The following KCNAB2 variants were observed in gnomAD, a reference collection of about 807,000 sequenced individuals.
KCNAB2 encodes potassium voltage-gated channel subfamily A regulatory beta subunit 2.
In KCNAB2, 29 loss-of-function variants were observed where a neutral mutation model predicts 63.6. The observed-to-expected ratio is 0.46, with a 90% CI of 0.34 to 0.62. The LOEUF (loss-of-function observed/expected upper bound fraction) is 0.62. KCNAB2 is among the 20% of genes least tolerant of loss of function. The pLI, the probability that KCNAB2 is intolerant of heterozygous loss-of-function variation, is 0.01. For synonymous variants in KCNAB2, 222 were observed against 224.2 expected, an observed-to-expected ratio of 0.99 and a Z score of 0.09; for missense variants, 359 against 563.9, an observed-to-expected ratio of 0.64 and a Z score of 3.68.
rs79795075 is a variant in KCNAB2 at position 6,085,889 on chromosome 1, C to A, written c.425+641C>A. On this transcript the variant is annotated intron_variant, in intron 6 of 15. Transcript: ENST00000378083. ...AGCTCAGGGCGGGACGTGTCACACT[C>A]CTCTGGGAAGTGGTCCCCTCCAGCA... 82 of 986,372 alleles carry A rather than the reference C, an allele frequency of 8.3e-5. No individual in the cohort carries two copies. The East Asian group carries it at 6.4e-3, about 77-fold the overall frequency. 61.1% of individuals were successfully genotyped at this position (986,372 alleles called of 1,614,324 possible).
At chr1:6,026,450 C>A (rs1445645631) in intron 1 of KCNAB2, 1 of 152,340 alleles carries the variant, frequency 6.6e-6, no homozygotes, top group African/African-American at 2.4e-5. Context: ...GAGCAGGTAC[C>A]TGGGGTGCTC....
At chr1:6,065,856 G>C (rs1419935542) in intron 2 of KCNAB2, among the ~76,000 whole-genome samples, 2 of 152,236 alleles carry the variant, frequency 1.3e-5, no homozygotes, top group Non-Finnish European at 2.9e-5. Flanking sequence ...CCTCGGGCCT[G>C]GAAATGTGAC....
In KCNAB2 at chr1:6,024,331, C is replaced by G. The variant is rs1040689340; in HGVS notation, c.-52-16186C>G. On this transcript the variant is annotated intron_variant, in intron 1 of 16. Transcript: ENST00000341524. The surrounding 1 kb of genome is among the most constrained non-coding windows in gnomAD (Gnocchi z 5.4). Reference sequence around the variant, plus strand: ...GAACTCCTGGCCTCAAGCAATCCTCCCACCCTGGCCTCCAAAGTGCTGGGT... The same window carrying G: ...GAACTCCTGGCCTCAAGCAATCCTCGCACCCTGGCCTCCAAAGTGCTGGGT... 6.6e-6 allele frequency among the ~76,000 whole-genome samples: 1 copy of G among 152,136 alleles called. No individual in the cohort carries two copies. The highest frequency in any genetic ancestry group is 3.2e-3 in the Middle Eastern group (1 of 316).
At chr1:6,061,529 G>A (rs1467513635) in intron 2 of KCNAB2, among the ~76,000 whole-genome samples, 1 of 152,204 alleles carries the variant, frequency 6.6e-6, no homozygotes, top group East Asian at 1.9e-4. Context: ...TGACACTTGG[G>A]CTGGACAATT....
intron 2 of KCNAB2, among the ~76,000 whole-genome samples, chr1:6,061,992 C>A (rs1051412852): frequency 1.3e-5 from 2 of 152,084 alleles, no homozygotes; most frequent in Non-Finnish European, 2.9e-5. Context: ...GACTTTCCGG[C>A]AAAGAATAAA....
At chr1:6,082,430 T>C (rs1039352589) in intron 5 of KCNAB2, among the ~76,000 whole-genome samples, 156 bp downstream of exon 5, 1 of 152,156 alleles carries the variant, frequency 6.6e-6, no homozygotes, top group Non-Finnish European at 1.5e-5. Context: ...GGAGGTGCTA[T>C]TTTCATGGGG....
At position 6,003,224 on chromosome 1, in the gene KCNAB2, G is replaced by T. The variant is rs1197707111; in HGVS notation, c.-53+10436G>T. 2.6e-5 allele frequency among the ~76,000 whole-genome samples: 4 copies of T among 152,194 alleles called. No individual in the cohort carries two copies. Among genetic ancestry groups the T allele is most frequent in the African/African-American group, 4.8e-5 (2 of 41,462 alleles). On this transcript the variant is annotated intron_variant, in intron 1 of 16. Transcript: ENST00000341524. The surrounding 1 kb of genome is among the most constrained non-coding windows in gnomAD (Gnocchi z 4.1). ...AGCCTGGCCCCTGCTGGCTGCAGGG[G>T]CTCCAGAGCCTGTGCTACAAGCCCG...
rs1665997157 is a variant in KCNAB2 at position 6,101,038 on chromosome 1, T to C, written c.*2464T>C. ...CTTTTTCTCTCCCCGAGTCTTTTTT[T>C]TTAAACCTACCGTGGTTCCTCAGCT... is the stretch of plus-strand genomic sequence containing the variant. On this transcript the variant is annotated 3_prime_UTR_variant, in exon 16 of 16. Coordinates refer to ENST00000378083, the MANE Select transcript of KCNAB2 (RefSeq NM_001199862.2). 1.0e-5 allele frequency: 1 copy of C among 98,584 alleles called. No individual in the cohort carries two copies. Among genetic ancestry groups the C allele is most frequent in the Non-Finnish European group, 2.3e-5 (1 of 43,112 alleles). The allele number at this position is 98,584 out of a possible 1,614,324, so 6.1% of individuals were successfully genotyped here.
chr1:6,081,892 AG>A (rs1664242799), intron 4 of KCNAB2, among the ~76,000 whole-genome samples: 2 of 152,242 alleles, frequency 1.3e-5, no homozygotes, highest in African/African-American at 4.8e-5. Context: ...GACCCAGTAC[AG>A]GTGCTAAGCC....
chr1:6,074,231 A>AC lies in KCNAB2; in HGVS notation c.300+464dup, dbSNP rs1163839512. Among the ~76,000 whole-genome samples, 1 of 152,100 alleles carries AC rather than the reference A, an allele frequency of 6.6e-6. No homozygotes were observed. The highest frequency in any genetic ancestry group is 1.5e-5 in the Non-Finnish European group (1 of 68,008). ...CTGAAGAACCTGAGATCTGCATTTC[A>AC]CCCAACATCCACTGTCCATTTCCCA... On this transcript the variant is annotated intron_variant, in intron 4 of 15. Coordinates refer to ENST00000378083, the MANE Select transcript of KCNAB2 (RefSeq NM_001199862.2). This position sits in a 1 kb window ranked among gnomAD's most constrained non-coding sequence, Gnocchi z 4.9.
rs982650511 is a variant in KCNAB2, at chr1:6,024,695, A to G, written c.-52-15822A>G. Among the ~76,000 whole-genome samples, 13 of 152,174 alleles carry G rather than the reference A, an allele frequency of 8.5e-5. No individual in the cohort carries two copies. Among genetic ancestry groups the G allele is most frequent in the Non-Finnish European group, 1.8e-4 (12 of 68,032 alleles). On this transcript the variant is annotated intron_variant, in intron 1 of 16. Transcript: ENST00000341524. This position sits in a 1 kb window ranked among gnomAD's most constrained non-coding sequence, Gnocchi z 5.4. ...TTTGGAGACCCACAGAGTCAGGGCAACATCTCCGTGCTGGGGGCCAAGAGG... is the reference window on the plus strand; with the variant it reads ...TTTGGAGACCCACAGAGTCAGGGCAGCATCTCCGTGCTGGGGGCCAAGAGG...
At chr1:6,040,649 A>AC in intron 2 of KCNAB2, 2 of 1,605,660 alleles carry the variant, frequency 1.2e-6, no homozygotes, top group South Asian at 2.2e-5. Flanking sequence ...TCTACAGGTG[A>AC]CCCCCTGCCC....
intron 1 of KCNAB2, among the ~76,000 whole-genome samples, chr1:6,005,435 G>GGC (rs1553210591): frequency 4.1e-5 from 1 of 24,426 alleles, no homozygotes; most frequent in African/African-American, 1.3e-4. Context: ...TGGGTTGTGT[G>GGC]AGCTGAGCTG....
chr1:6,053,327 G>C (rs1477408551), intron 2 of KCNAB2, among the ~76,000 whole-genome samples: 3 of 152,164 alleles, frequency 2.0e-5, no homozygotes, highest in Non-Finnish European at 4.4e-5. Flanking sequence ...TCCTGGAGCT[G>C]CTGCATGAAC....
At chr1:6,058,309 G>T (rs190907914) in intron 2 of KCNAB2, among the ~76,000 whole-genome samples, 31 of 152,286 alleles carry the variant, frequency 2.0e-4, no homozygotes, top group Admixed American at 1.9e-3. Context: ...GTCTTTTGGG[G>T]ACACATTTCG....
chr1:6,068,216 A>G (rs1438892981), intron 2 of KCNAB2, among the ~76,000 whole-genome samples: 1 of 152,048 alleles, frequency 6.6e-6, no homozygotes, highest in Non-Finnish European at 1.5e-5. Flanking sequence ...CCCTCCTAAA[A>G]CTCATTGAGG....
upstream of KCNAB2, chr1:6,041,349 G>A (rs889601905): frequency 1.7e-5 from 3 of 177,396 alleles, no homozygotes; most frequent in Non-Finnish European, 3.6e-5. Flanking sequence ...AATCACTGGG[G>A]CCTGAGCCAG....
At chr1:6,025,434 C>T (rs1206195773) in intron 1 of KCNAB2, among the ~76,000 whole-genome samples, 2 of 152,186 alleles carry the variant, frequency 1.3e-5, no homozygotes, top group Non-Finnish European at 2.9e-5. Flanking sequence ...AGCCTGGCCC[C>T]AGGCTCAGCA....
At position 6,087,391 on chromosome 1, in the gene KCNAB2, TGAG is replaced by T; in HGVS notation, c.426-73_426-71del. 6.7e-7 allele frequency: 1 copy of T among 1,496,480 alleles called. No homozygotes were observed. Among genetic ancestry groups the T allele is most frequent in the Non-Finnish European group, 9.3e-7 (1 of 1,073,198 alleles). 92.7% of individuals were successfully genotyped at this position (1,496,480 alleles called of 1,614,324 possible). ...GCTTTCAGGACCTCTGTGTGAGAGA[TGAG>T]GACGTCGGGGATGAAGGAGGACCCC... On this transcript the variant is annotated intron_variant, in intron 6 of 15. Transcript: ENST00000378083. The surrounding 1 kb of genome is among the most constrained non-coding windows in gnomAD (Gnocchi z 6.4).
Sources: allele counts gnomAD v4.1 joint callset (sites outside exome capture counted in the v4.1 genomes callset), GRCh38; gene constraint gnomAD v4.1.1; non-coding constraint Gnocchi (gnomAD v3.1); transcripts MANE v1.5; gene names NCBI Gene and HGNC (gene_info 2026-07-23, HGNC 2026-07-21).